P4HA1: variants seen among roughly 807,000 people sequenced by gnomAD.
P4HA1 encodes prolyl 4-hydroxylase subunit alpha 1.
P4HA1 carries 24 observed loss-of-function variants against 72.8 expected under a neutral mutation model. The ratio of observed to expected loss-of-function variants is 0.33; its 90% confidence interval spans 0.24 to 0.46. The LOEUF (loss-of-function observed/expected upper bound fraction) is 0.46, where lower values mean the gene tolerates loss of function less well. Ranked by LOEUF, P4HA1 falls within the 20% of genes least tolerant of loss-of-function variation. The probability of loss-of-function intolerance (pLI) is 1.00; values close to 1 mark genes in which losing one functional copy is unlikely to be tolerated. For missense variants in P4HA1, 446 were observed against 640.6 expected (o/e 0.70, Z 3.28); for synonymous variants, 201 against 218.8 (o/e 0.92, Z 0.72).
chr10:73,015,989 T>C (rs1840001009), intron 11 of P4HA1, among the ~76,000 whole-genome samples: 1 of 152,168 alleles, frequency 6.6e-6, no homozygotes, highest in Non-Finnish European at 1.5e-5. Context: ...AATTAACATG[T>C]TGACAAAGAA....
At chr10:73,014,311 A>T in intron 11 of P4HA1, 22 bp from the exon 12 acceptor site, 1 of 1,571,474 alleles carries the variant, frequency 6.4e-7, no homozygotes, top group Non-Finnish European at 8.8e-7. Flanking sequence ...AACACAGTAA[A>T]TTCAATGGTG....
intron 5 of P4HA1, among the ~76,000 whole-genome samples, chr10:73,056,033 G>GT (rs1841141108): frequency 6.6e-6 from 1 of 152,142 alleles, no homozygotes. Context: ...ATGTAAACTG[G>GT]TAACTTTGCT....
chr10:73,052,399 A>AG (rs1040587757), intron 6 of P4HA1, among the ~76,000 whole-genome samples: 4 of 152,226 alleles, frequency 2.6e-5, no homozygotes, highest in Non-Finnish European at 5.9e-5. Context: ...AAGTGTGTGC[A>AG]GGGAAGAGGC....
chr10:73,038,022 A>C (rs1840638497), intron 9 of P4HA1, among the ~76,000 whole-genome samples: 1 of 152,100 alleles, frequency 6.6e-6, no homozygotes, highest in South Asian at 2.1e-4. Flanking sequence ...TTGGGAGGCC[A>C]AGGTGAGATG....
intron 13 of P4HA1, 92 bp from the exon 14 acceptor site, chr10:73,009,995 G>A (rs1449234600): frequency 2.9e-6 from 2 of 687,828 alleles, no homozygotes; most frequent in Non-Finnish European, 5.1e-6. Context: ...TTGAGACAGA[G>A]TCTTGCTCTA....
chr10:73,021,218 G>A (rs1840127739), intron 10 of P4HA1, among the ~76,000 whole-genome samples: 1 of 152,048 alleles, frequency 6.6e-6, no homozygotes, highest in African/African-American at 2.4e-5. Context: ...ACTGCTGGTG[G>A]GAATGTAAAT....
At chr10:73,033,554 T>C (rs1840491311) in intron 9 of P4HA1, among the ~76,000 whole-genome samples, 2 of 152,166 alleles carry the variant, frequency 1.3e-5, no homozygotes, top group South Asian at 2.1e-4. Flanking sequence ...CCAAGAAAAA[T>C]ACCTTCACTT....
chr10:73,075,590 T>C (rs2133138975), intron 1 of P4HA1, among the ~76,000 whole-genome samples: 1 of 152,318 alleles, frequency 6.6e-6, no homozygotes, highest in South Asian at 2.1e-4. Context: ...CATAAAAATG[T>C]ACCAACTTAT....
chr10:73,081,872 T>C (rs1291312815), intron 1 of P4HA1, among the ~76,000 whole-genome samples: 2 of 152,096 alleles, frequency 1.3e-5, no homozygotes, highest in Non-Finnish European at 2.9e-5. Flanking sequence ...GTCTCTACTA[T>C]GGGCGTGGTA....
Position 73,047,006 on chromosome 10 carries a change from C to G in P4HA1, c.996G>C (p.Trp332Cys). 6.2e-7 allele frequency: 1 copy of G among 1,612,434 alleles called. No homozygotes were observed. The highest frequency in any genetic ancestry group is 8.5e-7 in the Non-Finnish European group (1 of 1,178,590). Residue 332 changes from tryptophan to cysteine, a missense_variant, in exon 8 of 15, where the codon TGG (tryptophan) becomes TGC (cysteine). Physicochemically the swap from Trp to Cys is radical, Grantham distance 215. Transcript: ENST00000394890. ...GGAAGCGAATAATACGAGGCTTGTCCCATTCATCCTCCTGTTTAGCTGGAG... is the reference window on the plus strand; with the variant it reads ...GGAAGCGAATAATACGAGGCTTGTCGCATTCATCCTCCTGTTTAGCTGGAG... ...ILAPAKQEDE[W>C]DKPRIIRFHD...
intron 5 of P4HA1, among the ~76,000 whole-genome samples, chr10:73,063,311 T>C: frequency 6.6e-6 from 1 of 152,216 alleles, no homozygotes; most frequent in East Asian, 1.9e-4. Flanking sequence ...GGAAGAATGC[T>C]ATGTCCTCAC....
intron 5 of P4HA1, among the ~76,000 whole-genome samples, chr10:73,062,088 CATG>C (rs1841327100): frequency 1.3e-5 from 2 of 152,068 alleles, no homozygotes; most frequent in Admixed American, 6.6e-5. Flanking sequence ...GATAAAATGA[CATG>C]ATGTCTAGGA....
At chr10:73,047,208 T>C in intron 7 of P4HA1, 107 bp from the exon 8 acceptor site, 2 of 831,092 alleles carry the variant, frequency 2.4e-6, no homozygotes, top group Non-Finnish European at 3.8e-6. Flanking sequence ...ATACAGAGTA[T>C]CTCTGGAAAA....
intron 10 of P4HA1, 91 bp downstream of exon 10, chr10:73,030,180 A>C (rs1840402034): frequency 1.9e-6 from 1 of 532,304 alleles, no homozygotes; most frequent in East Asian, 3.0e-5. Flanking sequence ...ACTATCATGC[A>C]AATTGAGGAC....
intron 3 of P4HA1, among the ~76,000 whole-genome samples, chr10:73,072,382 T>C (rs952060763): frequency 8.5e-5 from 13 of 152,218 alleles, no homozygotes; most frequent in African/African-American, 2.9e-4. Context: ...TAGGACTTTT[T>C]GTTTTAATTT....
chr10:73,009,845 C>T lies in P4HA1; in HGVS notation c.1496G>A (p.Arg499Gln), dbSNP rs199836353. 1.2e-5 allele frequency: 19 copies of T among 1,610,118 alleles called. No homozygotes were observed. In the East Asian group the frequency reaches 2.2e-4, roughly 19 times the overall value. The change falls in exon 14 of 15, where the codon CGG (arginine) becomes CAG (glutamine). Residue 499 changes from arginine to glutamine, a missense_variant. By Grantham distance (43) the Arg-to-Gln change is conservative. Coordinates refer to ENST00000394890, the MANE Select transcript of P4HA1 (RefSeq NM_001017962.3). ...FASGEGDYST[R>Q]HAACPVLVGN... ...AACTAGCACTGGACAGGCTGCATGC[C>T]GTGTACTATAATCTCCTTCTCCACT... is the stretch of plus-strand genomic sequence containing the variant.
intron 5 of P4HA1, among the ~76,000 whole-genome samples, chr10:73,067,705 T>C (rs1841460092): frequency 6.6e-6 from 1 of 152,198 alleles, no homozygotes; most frequent in Admixed American, 6.6e-5. Context: ...TTTTTCTGGC[T>C]AATTCCTGGT....
intron 8 of P4HA1, among the ~76,000 whole-genome samples, chr10:73,045,506 T>C (rs1267518888): frequency 6.6e-6 from 1 of 152,032 alleles, no homozygotes; most frequent in African/African-American, 2.4e-5. Context: ...AGGTTAATGT[T>C]TAAAATTCAT....
rs184356947 is a variant in P4HA1, at chr10:73,057,217, G to A, written c.464-3627C>T. On this transcript the variant is annotated intron_variant, in intron 5 of 14. Coordinates refer to ENST00000394890, the MANE Select transcript of P4HA1 (RefSeq NM_001017962.3). ...TTAAAACACAAAGACAAGGCCGGGC[G>A]CGGTGGCTCACGCCTGTAATCCCAG... Among the ~76,000 whole-genome samples the A allele has an allele frequency of 1.3e-4, 19 of 151,134 alleles. No homozygotes were observed. In the East Asian group the frequency reaches 3.6e-3, roughly 28 times the overall value.
Sources: gnomAD v4.1 joint callset for allele counts (sites outside exome capture counted in the v4.1 genomes callset) on GRCh38, gnomAD v4.1.1 for gene constraint, MANE v1.5 for transcripts, NCBI Gene and HGNC (gene_info 2026-07-23, HGNC 2026-07-21) for gene names.